DNMT1: variants seen among roughly 807,000 people sequenced by gnomAD.
The protein encoded by DNMT1 is DNA methyltransferase 1, also known as DNA (cytosine-5)-methyltransferase 1.
In DNMT1, 24 loss-of-function variants were observed where a neutral mutation model predicts 205.3. That is an observed-to-expected ratio of 0.12 (90% CI 0.08 to 0.16). DNMT1 has a LOEUF of 0.16. Ranked by LOEUF, DNMT1 falls within the 10% of genes least tolerant of loss-of-function variation. DNMT1 has a pLI of 1.00. For missense variants in DNMT1, 1,293 were observed against 2,177.7 expected (o/e 0.59, Z 8.09); for synonymous variants, 817 against 839.8 (o/e 0.97, Z 0.47).
chr19:10,165,526 G>A (rs1234557878), intron 11 of DNMT1, among the ~76,000 whole-genome samples: 2 of 152,172 alleles, frequency 1.3e-5, no homozygotes, highest in African/African-American at 2.4e-5. Context: ...CCAAGTAGCT[G>A]GGATTAGAGG....
At position 10,180,413 on chromosome 19, in the gene DNMT1, G is replaced by C. The variant is rs146601335; in HGVS notation, c.382C>G (p.Pro128Ala). ...RRVGMADANS[P>A]PKPLSKPRTP... ...CGAGGTTTGGAAAGGGGTTTGGGGGGGCTGTTGGCATCTGCCATTCCCACT... is the reference window on the plus strand; with the variant it reads ...CGAGGTTTGGAAAGGGGTTTGGGGGCGCTGTTGGCATCTGCCATTCCCACT... Residue 128 changes from proline (P) to alanine (A), a missense_variant, in exon 4 of 41, where the codon CCC becomes GCC. Physicochemically the swap from Pro to Ala is conservative, Grantham distance 27. This residue lies in a region of DNMT1 where 394 missense variants were observed against 451.6 expected (regional missense o/e 0.87). Coordinates refer to ENST00000359526, the MANE Select transcript of DNMT1 (RefSeq NM_001130823.3). 4 of 1,614,042 alleles carry C rather than the reference G, an allele frequency of 2.5e-6. No homozygotes were observed. In the East Asian group the frequency reaches 6.7e-5, roughly 27 times the overall value.
intron 40 of DNMT1, 70 bp downstream of exon 40, chr19:10,134,147 G>A (rs558599730): frequency 1.3e-6 from 2 of 1,560,088 alleles, no homozygotes; most frequent in Non-Finnish European, 1.8e-6. Context: ...ACGGTGGCCA[G>A]CAACTGCCCC....
At chr19:10,150,968 G>C (rs1383256829) in intron 24 of DNMT1, among the ~76,000 whole-genome samples, 1 of 152,166 alleles carries the variant, frequency 6.6e-6, no homozygotes, top group Non-Finnish European at 1.5e-5. Context: ...GGTGGTGCAC[G>C]CCTGTAATCT....
At chr19:10,150,472 C>T (rs1191909255) in intron 24 of DNMT1, among the ~76,000 whole-genome samples, 2 of 152,222 alleles carry the variant, frequency 1.3e-5, no homozygotes, top group Admixed American at 6.5e-5. Flanking sequence ...TGCAAGGCCT[C>T]GTGGCCCCAG....
At chr19:10,173,974 T>C in intron 7 of DNMT1, 69 bp from the exon 8 acceptor site, 4 of 1,474,304 alleles carry the variant, frequency 2.7e-6, no homozygotes, top group South Asian at 1.1e-5. Context: ...ACACCAAAAG[T>C]GTGAGTTGAA....
At chr19:10,155,733 G>T in intron 19 of DNMT1, 120 bp downstream of exon 19, 2 of 1,061,730 alleles carry the variant, frequency 1.9e-6, no homozygotes, top group South Asian at 1.4e-5. Context: ...AAGGTTCCCA[G>T]TCACATGGCC....
At chr19:10,167,137 C>A (rs1198765913) in intron 10 of DNMT1, among the ~76,000 whole-genome samples, 1 of 152,146 alleles carries the variant, frequency 6.6e-6, no homozygotes, top group African/African-American at 2.4e-5. Context: ...ATTCTGCCCA[C>A]CTCTGGATTC....
Position 10,149,575 on chromosome 19 carries a change from C to G in DNMT1, c.2464G>C (p.Gly822Arg). The change falls in exon 26 of 41, where the codon GGG becomes CGG. Residue 822 changes from glycine to arginine, a missense_variant. This residue lies in a region of DNMT1 where 197 missense variants were observed against 353.6 expected (regional missense o/e 0.56). Transcript: ENST00000359526. ...AGCTCCAGAGGGTCCGACGTGGCCC[C>G]GAGGACTGTGTCTGTCCCAGCGCAG... is the stretch of plus-strand genomic sequence containing the variant. ...WFCAGTDTVLGATSDPLELFL... is the reference protein window; with the variant it reads ...WFCAGTDTVLRATSDPLELFL... 1 of 1,613,914 alleles carries G rather than the reference C, an allele frequency of 6.2e-7. No individual in the cohort carries two copies. The highest frequency in any genetic ancestry group is 8.5e-7 in the Non-Finnish European group (1 of 1,179,982).
In DNMT1 at chr19:10,146,193, C is replaced by T. The variant is rs562468963; in HGVS notation, c.2894+158G>A. The stretch of plus-strand genomic sequence containing the variant: ...GCAATAGCATCATGGTCAGTCTACA[C>T]GATTTATGTTGTCTGTTTGCCACCT... On this transcript the variant is annotated intron_variant, in intron 28 of 40. Transcript: ENST00000359526. This position sits in a 1 kb window ranked among gnomAD's most constrained non-coding sequence, Gnocchi z 4.4. 3.3e-5 allele frequency among the ~76,000 whole-genome samples: 5 copies of T among 152,164 alleles called. No individual in the cohort carries two copies. Among genetic ancestry groups the T allele is most frequent in the African/African-American group, 7.2e-5 (3 of 41,430 alleles).
chr19:10,144,264 C>T (rs760708195), intron 28 of DNMT1: 76 of 404,796 alleles, frequency 1.9e-4, no homozygotes, highest in Non-Finnish European at 3.2e-4. Context: ...AAAAATTAGC[C>T]GGGTGTGGTG....
chr19:10,173,911 T>C lies in DNMT1; in HGVS notation c.649-6A>G. 1.2e-6 allele frequency: 2 copies of C among 1,613,828 alleles called. No homozygotes were observed. Among genetic ancestry groups the C allele is most frequent in the Non-Finnish European group, 1.7e-6 (2 of 1,179,788 alleles). Reference sequence around the variant, plus strand: ...ACTCTACGTCTCTTCTCATCCTGTGTGGAGGGAAGGAAGAACAAAAAAGAT... The same window carrying C: ...ACTCTACGTCTCTTCTCATCCTGTGCGGAGGGAAGGAAGAACAAAAAAGAT... On this transcript the variant is annotated splice_region_variant and splice_polypyrimidine_tract_variant and intron_variant, in intron 7 of 40. Coordinates refer to ENST00000359526, the MANE Select transcript of DNMT1 (RefSeq NM_001130823.3).
chr19:10,145,056 G>A (rs1407590393), intron 28 of DNMT1, among the ~76,000 whole-genome samples: 2 of 152,208 alleles, frequency 1.3e-5, no homozygotes, highest in Non-Finnish European at 2.9e-5. Context: ...TACAACCTAC[G>A]CTACCCTGAC....
At chr19:10,157,729 A>C (rs1360003915) in intron 17 of DNMT1, among the ~76,000 whole-genome samples, 1 of 152,208 alleles carries the variant, frequency 6.6e-6, no homozygotes, top group Non-Finnish European at 1.5e-5. Flanking sequence ...TGGCAGACAG[A>C]ATAGGTTGCA....
At position 10,180,462 on chromosome 19, in the gene DNMT1, G is replaced by C. The variant is rs770318428; in HGVS notation, c.333C>G (p.Asn111Lys). 6.2e-7 allele frequency: 1 copy of C among 1,614,084 alleles called. No individual in the cohort carries two copies. The highest frequency in any genetic ancestry group is 8.5e-7 in the Non-Finnish European group (1 of 1,180,018). The change falls in exon 4 of 41, where the codon AAC becomes AAG. Residue 111 changes from asparagine (N) to lysine (K), a missense_variant. Around this residue, in one of 13 missense-constraint regions of DNMT1, gnomAD observed 394 missense variants for 451.6 expected, o/e 0.87. Coordinates refer to ENST00000359526, the MANE Select transcript of DNMT1 (RefSeq NM_001130823.3). ...REVNGRLENG[N>K]QARSEARRVG... ...CTCTACGGGCTTCACTTCTTGCTTGGTTCCCGTTTTCTAGACGTCCATTCA... is the reference window on the plus strand; with the variant it reads ...CTCTACGGGCTTCACTTCTTGCTTGCTTCCCGTTTTCTAGACGTCCATTCA...
intron 6 of DNMT1, among the ~76,000 whole-genome samples, chr19:10,176,122 C>T (rs1291934666): frequency 6.6e-6 from 1 of 150,900 alleles, no homozygotes; most frequent in African/African-American, 2.4e-5. Context: ...GAGCCGAAAT[C>T]ATGCCACTGC....
intron 28 of DNMT1, chr19:10,144,260 T>G: frequency 2.5e-6 from 1 of 404,828 alleles, no homozygotes; most frequent in Non-Finnish European, 4.7e-6. Context: ...ATACAAAAAT[T>G]AGCCGGGTGT....
chr19:10,134,046 C>T (rs556640257), intron 40 of DNMT1, among the ~76,000 whole-genome samples, 171 bp downstream of exon 40: 9 of 152,226 alleles, frequency 5.9e-5, no homozygotes, highest in African/African-American at 9.6e-5. Flanking sequence ...GCACTTGACA[C>T]GTGCAACTCA....
At chr19:10,152,191 GA>G (rs1172451605) in intron 22 of DNMT1, among the ~76,000 whole-genome samples, 7 of 50,000 alleles carry the variant, frequency 1.4e-4, no homozygotes, top group East Asian at 6.1e-4. Flanking sequence ...AAAAAAAAAG[GA>G]AAAAAAAAGG....
At chr19:10,164,261 G>A (rs547991337) in intron 11 of DNMT1, among the ~76,000 whole-genome samples, 1 of 151,980 alleles carries the variant, frequency 6.6e-6, no homozygotes, top group Admixed American at 6.6e-5. Flanking sequence ...CTCCTGCCTC[G>A]GCCTCTCTAG....
Sources: allele counts gnomAD v4.1 joint callset (sites outside exome capture counted in the v4.1 genomes callset), GRCh38; gene constraint gnomAD v4.1.1; regional missense constraint gnomAD v4.1.1; non-coding constraint Gnocchi (gnomAD v3.1); transcripts MANE v1.5; gene names NCBI Gene and HGNC (gene_info 2026-07-23, HGNC 2026-07-21).